Variants in AGMO observed in about 807,000 individuals in gnomAD.
AGMO encodes glyceryl-ether monooxygenase.
In AGMO, 75 loss-of-function variants were observed where a neutral mutation model predicts 60.2. The observed-to-expected ratio is 1.25, with a 90% CI of 1.03 to 1.51. AGMO has a LOEUF of 1.51. Ranked by LOEUF, AGMO falls within the 40% of genes most tolerant of loss-of-function variation. The pLI is 0.00. For missense variants in AGMO, 763 were observed against 525.5 expected, an observed-to-expected ratio of 1.45 and a Z score of -4.42; for synonymous variants, 261 against 177.1, an observed-to-expected ratio of 1.47 and a Z score of -3.76.
chr7:15,232,801 G>GCGCACACACA (rs1554398737), intron 12 of AGMO, among the ~76,000 whole-genome samples: 67 of 147,126 alleles, frequency 4.6e-4, no homozygotes, highest in South Asian at 1.3e-3. Flanking sequence ...ACACACACAC[G>GCGCACACACA]CACACACACA....
intron 6 of AGMO, among the ~76,000 whole-genome samples, chr7:15,392,064 A>G (rs1427530481): frequency 6.6e-6 from 1 of 151,666 alleles, no homozygotes; most frequent in African/African-American, 2.4e-5. Context: ...TATATTTTTT[A>G]TTTTTTAATT....
intron 12 of AGMO, among the ~76,000 whole-genome samples, chr7:15,314,991 A>C (rs1376495657): frequency 6.6e-6 from 1 of 152,146 alleles, no homozygotes. Context: ...GACATGTTTT[A>C]GAGATAATAC....
At chr7:15,202,057 T>C (rs866628264) in intron 12 of AGMO, among the ~76,000 whole-genome samples, 1 of 152,072 alleles carries the variant, frequency 6.6e-6, no homozygotes, top group Non-Finnish European at 1.5e-5. Context: ...AACTATAGGA[T>C]TGCTTTCCTG....
chr7:15,326,755 C>A (rs145761890), intron 12 of AGMO, among the ~76,000 whole-genome samples: 1 of 152,176 alleles, frequency 6.6e-6, no homozygotes, highest in African/African-American at 2.4e-5. Context: ...CAAACAGATA[C>A]CATTCATTTT....
At chr7:15,249,337 A>G (rs1782861580) in intron 12 of AGMO, among the ~76,000 whole-genome samples, 1 of 152,152 alleles carries the variant, frequency 6.6e-6, no homozygotes, top group African/African-American at 2.4e-5. Context: ...GTAAGTGTGG[A>G]AAGAGGGAGA....
At chr7:15,160,766 C>G in the AGMO span, among the ~76,000 whole-genome samples, 4 of 152,084 alleles carry the variant, frequency 2.6e-5, no homozygotes, top group Non-Finnish European at 5.9e-5. Flanking sequence ...GGTATTTGGT[C>G]AAATGCTAGT....
At chr7:15,260,712 C>T (rs955655908) in intron 12 of AGMO, among the ~76,000 whole-genome samples, 1 of 152,058 alleles carries the variant, frequency 6.6e-6, no homozygotes, top group African/African-American at 2.4e-5. Context: ...GAAGAATACA[C>T]ATTCTATTCA....
At chr7:15,159,763 T>A in the AGMO span, among the ~76,000 whole-genome samples, 1 of 152,160 alleles carries the variant, frequency 6.6e-6, no homozygotes, top group African/African-American at 2.4e-5. Context: ...AGAAAAAATA[T>A]TTCAAAGCAT....
Position 15,498,977 on chromosome 7 carries a change from A to G in AGMO, c.409+45795T>C, listed in dbSNP as rs1039370633. ...CCCAAAGAAAGTATGAATTTGCAGG[A>G]GATATACATGCTGAGAGTAGAAAAT... On this transcript the variant is annotated intron_variant, in intron 3 of 12. Coordinates refer to ENST00000342526, the MANE Select transcript of AGMO (RefSeq NM_001004320.2). Among the ~76,000 whole-genome samples, 3 of 151,994 alleles carry G rather than the reference A, an allele frequency of 2.0e-5. No homozygotes were observed. In the East Asian group the frequency reaches 5.8e-4, roughly 29 times the overall value.
At chr7:15,144,836 G>T in the AGMO span, among the ~76,000 whole-genome samples, 1 of 152,076 alleles carries the variant, frequency 6.6e-6, no homozygotes, top group Admixed American at 6.5e-5. Context: ...GTTTGTTTTT[G>T]TTGTTGTTGT....
intron 12 of AGMO, among the ~76,000 whole-genome samples, chr7:15,252,415 G>T (rs1782966599): frequency 1.3e-5 from 2 of 152,154 alleles, no homozygotes; most frequent in Non-Finnish European, 2.9e-5. Flanking sequence ...AAGGCTGCAG[G>T]ATGTCAATTC....
intron 12 of AGMO, among the ~76,000 whole-genome samples, chr7:15,240,387 T>C (rs1162269545): frequency 6.6e-6 from 1 of 152,216 alleles, no homozygotes; most frequent in Non-Finnish European, 1.5e-5. Flanking sequence ...TGACCAGCCT[T>C]CATCTGACAA....
At chr7:15,247,851 G>C (rs949109432) in intron 12 of AGMO, among the ~76,000 whole-genome samples, 4 of 151,784 alleles carry the variant, frequency 2.6e-5, no homozygotes, top group African/African-American at 9.7e-5. Context: ...TTGTGGTAGA[G>C]GCAGAGATCC....
intron 8 of AGMO, among the ~76,000 whole-genome samples, chr7:15,390,114 G>C (rs982328988): frequency 2.6e-5 from 4 of 152,016 alleles, no homozygotes; most frequent in African/African-American, 9.7e-5. Context: ...AGACATTCCT[G>C]ATTTCTCTAG....
At chr7:15,265,345 C>G (rs183002092) in intron 12 of AGMO, among the ~76,000 whole-genome samples, 23 of 152,098 alleles carry the variant, frequency 1.5e-4, no homozygotes. Flanking sequence ...ACTATGCTTT[C>G]TGCCCTGGTG....
At chr7:15,398,530 A>G (rs1379613772) in intron 5 of AGMO, among the ~76,000 whole-genome samples, 2 of 152,124 alleles carry the variant, frequency 1.3e-5, no homozygotes, top group Admixed American at 6.5e-5. Flanking sequence ...CTTCCAATTC[A>G]AAGTCATGGA....
At chr7:15,198,864 G>A (rs141182234), downstream of AGMO, among the ~76,000 whole-genome samples, 98 of 152,226 alleles carry the variant, frequency 6.4e-4, no homozygotes, top group African/African-American at 2.3e-3. Context: ...TCACAATAAT[G>A]ATGTTATCCC....
intron 4 of AGMO, among the ~76,000 whole-genome samples, chr7:15,427,260 C>T (rs189761995): frequency 1.3e-5 from 2 of 152,204 alleles, no homozygotes; most frequent in Non-Finnish European, 2.9e-5. Flanking sequence ...TACACATGCA[C>T]GTGTAGCTGT....
chr7:15,346,518 T>A (rs1782037602), intron 12 of AGMO, among the ~76,000 whole-genome samples: 1 of 151,924 alleles, frequency 6.6e-6, no homozygotes, highest in Non-Finnish European at 1.5e-5. Flanking sequence ...TTTATTTTCA[T>A]TAATCCTTCT....
Sources: allele counts gnomAD v4.1 joint callset (sites outside exome capture counted in the v4.1 genomes callset), GRCh38; gene constraint gnomAD v4.1.1; transcripts MANE v1.5; gene names NCBI Gene and HGNC (gene_info 2026-07-23, HGNC 2026-07-21).